VRK1: variants seen among roughly 807,000 people sequenced by gnomAD.
The protein encoded by VRK1 is serine/threonine-protein kinase VRK1.
Under a neutral mutation model 57.1 loss-of-function variants are expected in VRK1, and 33 were observed. That is an observed-to-expected ratio of 0.58 (90% CI 0.44 to 0.77). VRK1 has a LOEUF of 0.77. VRK1 is among the 30% of genes least tolerant of loss of function. The pLI, the probability that VRK1 is intolerant of heterozygous loss-of-function variation, is 0.00. For synonymous variants in VRK1, 137 were observed against 147.8 expected (o/e 0.93, Z 0.53); for missense variants, 413 against 477.3 (o/e 0.87, Z 1.25).
intron 11 of VRK1, among the ~76,000 whole-genome samples, chr14:96,874,504 C>T (rs879746279): frequency 4.6e-5 from 7 of 152,166 alleles, no homozygotes; most frequent in African/African-American, 9.7e-5. Flanking sequence ...AAGGCATTCT[C>T]CCCTTTTCTC....
chr14:96,880,101 G>A (rs10132010), intron 12 of VRK1, among the ~76,000 whole-genome samples: 2,576 of 152,164 alleles, frequency 0.017, 78 homozygotes, highest in African/African-American at 0.058. Context: ...CAGAAAAAAG[G>A]ATATTCATAT....
chr14:96,860,782 T>G (rs1385647125), intron 11 of VRK1, 47 bp downstream of exon 11: 2 of 1,591,136 alleles, frequency 1.3e-6, no homozygotes, highest in African/African-American at 2.7e-5. Context: ...GTGTTTATAA[T>G]TGCAATAAAT....
At chr14:96,831,392 C>A (rs773455363) in intron 1 of VRK1, among the ~76,000 whole-genome samples, 1 of 152,142 alleles carries the variant, frequency 6.6e-6, no homozygotes, top group South Asian at 2.1e-4. Context: ...CCATGTCCAG[C>A]GTTAACCTTC....
intron 12 of VRK1, 139 bp from the exon 13 acceptor site, chr14:96,881,038 C>T: frequency 1.4e-6 from 1 of 736,280 alleles, no homozygotes; most frequent in Non-Finnish European, 2.2e-6. Context: ...CTTTGTATGT[C>T]AGTTTTATCT....
chr14:96,811,137 G>T (rs974650750), intron 1 of VRK1, among the ~76,000 whole-genome samples: 1 of 151,870 alleles, frequency 6.6e-6, no homozygotes, highest in African/African-American at 2.4e-5. Context: ...CACCATGTTG[G>T]CCAGGCTGGT....
At chr14:96,860,492 TA>T (rs1298207933) in intron 10 of VRK1, 64 bp from the exon 11 acceptor site, 8 of 1,465,196 alleles carry the variant, frequency 5.5e-6, no homozygotes, top group Non-Finnish European at 7.5e-6. Context: ...AACCATGAAT[TA>T]TTTTTTTTAG....
chr14:96,823,748 A>G (rs1203028789), intron 1 of VRK1, among the ~76,000 whole-genome samples: 2 of 152,182 alleles, frequency 1.3e-5, no homozygotes, highest in Non-Finnish European at 2.9e-5. Context: ...TCGAAACTCT[A>G]TATACCACTA....
chr14:96,874,969 A>C (rs1595690923), intron 11 of VRK1, among the ~76,000 whole-genome samples: 1 of 152,222 alleles, frequency 6.6e-6, no homozygotes, highest in African/African-American at 2.4e-5. Flanking sequence ...GTTAGAAAAT[A>C]TAAATGAGGA....
chr14:96,838,049 A>G lies in VRK1; in HGVS notation c.216+232A>G, dbSNP rs555011344. ...CTGGTATTCGGGGGTAAATGAAGGA[A>G]AGCATAAAGGCATGCAGATGTGGAA... On this transcript the variant is annotated intron_variant, in intron 3 of 12. Transcript: ENST00000216639. Among the ~76,000 whole-genome samples, 50 of 152,240 alleles carry G rather than the reference A, an allele frequency of 3.3e-4. No individual in the cohort carries two copies. In the South Asian group the frequency reaches 1.0e-2, roughly 30 times the overall value.
intron 1 of VRK1, among the ~76,000 whole-genome samples, chr14:96,816,116 CAG>C (rs1475336214): frequency 6.6e-6 from 1 of 152,062 alleles, no homozygotes; most frequent in Non-Finnish European, 1.5e-5. Flanking sequence ...TATCAGGAAA[CAG>C]TGGCCACATT....
chr14:96,858,543 G>A (rs977185859), intron 10 of VRK1, among the ~76,000 whole-genome samples: 11 of 152,158 alleles, frequency 7.2e-5, no homozygotes, highest in Non-Finnish European at 1.6e-4. Flanking sequence ...CAGATGTATA[G>A]TCTACCTGCA....
At chr14:96,803,088 T>A (rs897045188) in intron 1 of VRK1, among the ~76,000 whole-genome samples, 12 of 152,172 alleles carry the variant, frequency 7.9e-5, no homozygotes, top group African/African-American at 2.9e-4. Context: ...AGATTGACTG[T>A]CTGGTGTCTT....
At chr14:96,876,454 G>A (rs1889035650) in intron 12 of VRK1, among the ~76,000 whole-genome samples, 1 of 152,090 alleles carries the variant, frequency 6.6e-6, no homozygotes, top group African/African-American at 2.4e-5. Flanking sequence ...AGGATCACTT[G>A]AGCCCAGGAG....
chr14:96,853,963 T>C (rs922093167), intron 7 of VRK1, among the ~76,000 whole-genome samples: 1 of 152,148 alleles, frequency 6.6e-6, no homozygotes, highest in African/African-American at 2.4e-5. Context: ...CAAATGTACC[T>C]TTAACTACCT....
chr14:96,848,906 A>G lies in VRK1; in HGVS notation c.374+1562A>G, dbSNP rs10151440. On this transcript the variant is annotated intron_variant, in intron 5 of 12. Coordinates refer to ENST00000216639, the MANE Select transcript of VRK1 (RefSeq NM_003384.3). ...AAATGTTAAAACCTACTGGTTTAGA[A>G]AATCATTGAAGAGGCAGAACAGCAT... is the stretch of plus-strand genomic sequence containing the variant. Among the ~76,000 whole-genome samples, 892 of 152,324 alleles carry G rather than the reference A, an allele frequency of 5.9e-3. 13 individuals carry two copies. The highest frequency in any genetic ancestry group is 0.02 in the African/African-American group (815 of 41,578).
chr14:96,870,489 G>A (rs1053270382), intron 11 of VRK1, among the ~76,000 whole-genome samples: 3 of 152,148 alleles, frequency 2.0e-5, no homozygotes, highest in African/African-American at 7.2e-5. Flanking sequence ...CTTTAATCTA[G>A]AATAGAATAC....
At chr14:96,856,027 G>A in intron 8 of VRK1, 103 bp from the exon 9 acceptor site, 1 of 1,365,034 alleles carries the variant, frequency 7.3e-7, no homozygotes, top group East Asian at 2.6e-5. Context: ...ATGAAAAACA[G>A]ACTGTGGAGT....
At chr14:96,859,572 A>G (rs549411560) in intron 10 of VRK1, among the ~76,000 whole-genome samples, 349 of 152,244 alleles carry the variant, frequency 2.3e-3, no homozygotes, top group Non-Finnish European at 3.6e-3. Context: ...TTTTCTTGGT[A>G]TATTCCAAGT....
intron 2 of VRK1, among the ~76,000 whole-genome samples, chr14:96,835,357 T>C (rs1887173101): frequency 6.6e-6 from 1 of 152,238 alleles, no homozygotes; most frequent in East Asian, 1.9e-4. Flanking sequence ...ACCTTTTTCC[T>C]AGTTTTCTTT....
Sources: gnomAD v4.1 joint callset for allele counts (sites outside exome capture counted in the v4.1 genomes callset) on GRCh38, gnomAD v4.1.1 for gene constraint, MANE v1.5 for transcripts, NCBI Gene and HGNC (gene_info 2026-07-23, HGNC 2026-07-21) for gene names.